Variants in AGMO observed in about 807,000 individuals in gnomAD.
AGMO encodes the protein glyceryl-ether monooxygenase.
A neutral mutation model predicts 60.2 loss-of-function variants in AGMO; 75 were observed. The ratio of observed to expected loss-of-function variants is 1.25; its 90% CI spans 1.03 to 1.51. AGMO has a LOEUF of 1.51. Among genes scored for constraint, AGMO ranks in the 40% most tolerant of loss-of-function variants. AGMO has a pLI of 0.00. For synonymous variants in AGMO, 261 were observed against 177.1 expected (o/e 1.47, Z -3.76); for missense variants, 763 against 525.5 (o/e 1.45, Z -4.42).
In AGMO at chr7:15,561,886, T is replaced by C. The variant is rs1785321318; in HGVS notation, c.-41A>G. 6.4e-7 allele frequency: 1 copy of C among 1,562,088 alleles called. No individual in the cohort carries two copies. Among genetic ancestry groups the C allele is most frequent in the Non-Finnish European group, 8.7e-7 (1 of 1,150,104 alleles). The stretch of plus-strand genomic sequence containing the variant: ...ATTCCCAGCTGGAGAATATTTAGGA[T>C]TCAATGCTTGAAGCCTGAGGCTGAA... On this transcript the variant is annotated 5_prime_UTR_variant, in exon 1 of 13. Transcript: ENST00000342526.
At chr7:15,458,722 C>G (rs536187485) in intron 3 of AGMO, among the ~76,000 whole-genome samples, 1 of 152,082 alleles carries the variant, frequency 6.6e-6, no homozygotes, top group South Asian at 2.1e-4. Context: ...TTATTAATAC[C>G]TCTGCTTTAT....
In AGMO at chr7:15,380,363, A is replaced by G. The variant is rs544070817; in HGVS notation, c.1074+5083T>C. The stretch of plus-strand genomic sequence containing the variant: ...AAATCACTGGCATTTCTATACACCA[A>G]TGACAGTCAAACTGAGAGCAAAATT... On this transcript the variant is annotated intron_variant, in intron 10 of 12. Coordinates refer to ENST00000342526, the MANE Select transcript of AGMO (RefSeq NM_001004320.2). Among the ~76,000 whole-genome samples, 12 of 152,270 alleles carry G rather than the reference A, an allele frequency of 7.9e-5. No homozygotes were observed. The South Asian group carries it at 2.5e-3, about 32-fold the overall frequency.
Position 15,556,876 on chromosome 7 carries a change from T to C in AGMO, c.257+3265A>G, listed in dbSNP as rs148846871. Among the ~76,000 whole-genome samples, 6 of 152,196 alleles carry C rather than the reference T, an allele frequency of 3.9e-5. No individual in the cohort carries two copies. The East Asian group carries it at 1.2e-3, about 29-fold the overall frequency. Reference sequence around the variant, plus strand: ...TTTATAAGTAGGACTAGTATCTGACTAGGAAGTCTGCCTACTGGATTTCAG... The same window carrying C: ...TTTATAAGTAGGACTAGTATCTGACCAGGAAGTCTGCCTACTGGATTTCAG... On this transcript the variant is annotated intron_variant, in intron 2 of 12. Transcript: ENST00000342526.
At chr7:15,468,300 C>T (rs1231298498) in intron 3 of AGMO, among the ~76,000 whole-genome samples, 1 of 152,092 alleles carries the variant, frequency 6.6e-6, no homozygotes, top group Non-Finnish European at 1.5e-5. Flanking sequence ...ATACCAGACA[C>T]TGGTACCAAG....
intron 12 of AGMO, among the ~76,000 whole-genome samples, chr7:15,322,323 C>T (rs1781131063): frequency 6.9e-6 from 1 of 145,810 alleles, no homozygotes; most frequent in African/African-American, 2.5e-5. Flanking sequence ...AGAAAACTGG[C>T]AGATATATGC....
chr7:15,432,330 A>G (rs201770194), intron 3 of AGMO, among the ~76,000 whole-genome samples: 3,692 of 133,372 alleles, frequency 0.028, 94 homozygotes, highest in South Asian at 0.11. Flanking sequence ...GTATATATGT[A>G]TATATATATA....
chr7:15,393,951 G>A (rs769764342), intron 6 of AGMO, among the ~76,000 whole-genome samples, 162 bp downstream of exon 6: 22 of 144,326 alleles, frequency 1.5e-4, no homozygotes, highest in Middle Eastern at 3.3e-3. Context: ...ATACTTTGGA[G>A]ATGAGGCTTG....
At chr7:15,135,152 TTATATG>T in the AGMO span, among the ~76,000 whole-genome samples, 1 of 115,888 alleles carries the variant, frequency 8.6e-6, no homozygotes, top group Non-Finnish European at 1.8e-5. Flanking sequence ...CAAAATTTAT[TTATATG>T]AGTTTGTGTG....
intron 4 of AGMO, among the ~76,000 whole-genome samples, chr7:15,419,408 G>T (rs888537321): frequency 6.6e-6 from 1 of 151,892 alleles, no homozygotes; most frequent in African/African-American, 2.4e-5. Context: ...TTAAATGAGA[G>T]ACTAAATAAC....
intron 2 of AGMO, among the ~76,000 whole-genome samples, chr7:15,554,209 C>A (rs533349242): frequency 9.9e-5 from 15 of 152,126 alleles, no homozygotes; most frequent in African/African-American, 3.6e-4. Flanking sequence ...TCTCAATCCC[C>A]CTTACCCCTT....
intron 12 of AGMO, among the ~76,000 whole-genome samples, chr7:15,335,677 G>A (rs886326853): frequency 6.6e-6 from 1 of 152,128 alleles, no homozygotes; most frequent in Non-Finnish European, 1.5e-5. Context: ...CCTTTGAAAT[G>A]TTCTCTGCAT....
chr7:15,386,456 A>G (rs1783918136), intron 9 of AGMO, among the ~76,000 whole-genome samples: 1 of 152,192 alleles, frequency 6.6e-6, no homozygotes, highest in Non-Finnish European at 1.5e-5. Context: ...TAAATCGATC[A>G]TAGCAAACAG....
chr7:15,163,544 T>C, the AGMO span, among the ~76,000 whole-genome samples: 1 of 152,186 alleles, frequency 6.6e-6, no homozygotes, highest in African/African-American at 2.4e-5. Context: ...TGTTAGATTT[T>C]ATAGAATGCT....
intron 12 of AGMO, among the ~76,000 whole-genome samples, chr7:15,261,058 A>G (rs1408308023): frequency 6.6e-6 from 1 of 152,092 alleles, no homozygotes; most frequent in African/African-American, 2.4e-5. Context: ...CCTACATCAA[A>G]AAGTCTGAAT....
rs1383137019 is a variant in AGMO at position 15,200,535 on chromosome 7, C to A, written c.*750G>T. ...TTGAGACGGAGTCTCGCTCTGTCGCCCAGGCTGGAGTGCAGTGGTGCAATC... is the reference window on the plus strand; with the variant it reads ...TTGAGACGGAGTCTCGCTCTGTCGCACAGGCTGGAGTGCAGTGGTGCAATC... On this transcript the variant is annotated 3_prime_UTR_variant, in exon 13 of 13. Coordinates refer to ENST00000342526, the MANE Select transcript of AGMO (RefSeq NM_001004320.2). 2 of 152,284 alleles carry A rather than the reference C, an allele frequency of 1.3e-5. No individual in the cohort carries two copies. The highest frequency in any genetic ancestry group is 4.8e-5 in the African/African-American group (2 of 41,458). The allele number at this position is 152,284 out of a possible 1,614,324, so 9.4% of individuals were successfully genotyped here. A position where few individuals can be genotyped will look rare whatever the true frequency, so the allele number is the denominator to read the frequency against.
intron 12 of AGMO, among the ~76,000 whole-genome samples, chr7:15,317,667 G>C (rs957998054): frequency 6.6e-6 from 1 of 151,696 alleles, no homozygotes; most frequent in Non-Finnish European, 1.5e-5. Flanking sequence ...TATCCCAAAG[G>C]ACTTTCATTT....
intron 12 of AGMO, among the ~76,000 whole-genome samples, chr7:15,224,393 A>G (rs1271798180): frequency 6.6e-6 from 1 of 151,908 alleles, no homozygotes; most frequent in African/African-American, 2.4e-5. Context: ...ATAGAAAGAG[A>G]TAAGAGAAAG....
the AGMO span, among the ~76,000 whole-genome samples, chr7:15,119,991 C>A: frequency 6.7e-6 from 1 of 150,316 alleles, no homozygotes; most frequent in East Asian, 2.0e-4. Context: ...TCTCCTGGAT[C>A]GCCTACTTAA....
chr7:15,547,666 C>T (rs1301776268), intron 2 of AGMO, among the ~76,000 whole-genome samples: 7 of 151,994 alleles, frequency 4.6e-5, no homozygotes, highest in Non-Finnish European at 2.9e-5. Flanking sequence ...GAGGGTCCTA[C>T]GCCCACGGAG....
Sources: allele counts gnomAD v4.1 joint callset (sites outside exome capture counted in the v4.1 genomes callset), GRCh38; gene constraint gnomAD v4.1.1; transcripts MANE v1.5; gene names NCBI Gene and HGNC (gene_info 2026-07-23, HGNC 2026-07-21).